ERC2: variants seen among roughly 807,000 people sequenced by gnomAD.
ERC2 encodes the protein ELKS/RAB6-interacting/CAST family member 2.
In ERC2, 42 loss-of-function variants were observed where a neutral mutation model predicts 114.8. That is an observed-to-expected ratio of 0.37 (90% CI 0.29 to 0.47). The LOEUF is 0.47. Ranked by LOEUF, ERC2 falls within the 20% of genes least tolerant of loss-of-function variation. The pLI, the probability that ERC2 is intolerant of heterozygous loss-of-function variation, is 0.99. For missense variants in ERC2, 939 were observed against 1,150.7 expected, an observed-to-expected ratio of 0.82 and a Z score of 2.66; for synonymous variants, 454 against 425.5, an observed-to-expected ratio of 1.07 and a Z score of -0.82.
chr3:55,755,560 G>GT (rs576753586), intron 14 of ERC2, among the ~76,000 whole-genome samples: 36 of 152,268 alleles, frequency 2.4e-4, no homozygotes, highest in African/African-American at 8.4e-4. Context: ...TAAAGATGCT[G>GT]TTTTACATTT....
intron 15 of ERC2, among the ~76,000 whole-genome samples, chr3:55,707,510 T>C (rs2063552539): frequency 6.6e-6 from 1 of 152,212 alleles, no homozygotes. Context: ...GGACAGTGAC[T>C]GTAGCCAGAA....
chr3:55,733,540 T>TCACACA lies in ERC2; in HGVS notation c.2712+1230_2712+1231insTGTGTG, dbSNP rs753638072. ...CTCTGTCTCTCATTCTTTCTCTCTC[T>TCACACA]CTCACACACACACACACACACACAC... On this transcript the variant is annotated intron_variant, in intron 15 of 17. Coordinates refer to ENST00000288221, the MANE Select transcript of ERC2 (RefSeq NM_015576.3). Among the ~76,000 whole-genome samples, 27 of 95,868 alleles carry TCACACA rather than the reference T, an allele frequency of 2.8e-4. 1 individual carries two copies. Among genetic ancestry groups the TCACACA allele is most frequent in the Admixed American group, 8.9e-4 (7 of 7,860 alleles). 62.9% of individuals were successfully genotyped at this position (95,868 alleles called of 152,430 possible).
intron 14 of ERC2, among the ~76,000 whole-genome samples, chr3:55,817,499 A>C (rs755270080): frequency 3.9e-5 from 6 of 152,196 alleles, no homozygotes; most frequent in Non-Finnish European, 7.3e-5. Context: ...TCATTCTAGA[A>C]AGCATTTCAG....
Position 55,547,372 on chromosome 3 carries a change from G to A in ERC2, c.*40-36096C>T, listed in dbSNP as rs187737991. On this transcript the variant is annotated intron_variant, in intron 17 of 17. Coordinates refer to ENST00000288221, the MANE Select transcript of ERC2 (RefSeq NM_015576.3). ...GCCCAGCAAATGTTCCTGGAGCCTT[G>A]TTTTTTGTTCTGTTGCTGGGCCATT... is the stretch of plus-strand genomic sequence containing the variant. Among the ~76,000 whole-genome samples, 31 of 152,346 alleles carry A rather than the reference G, an allele frequency of 2.0e-4. No individual in the cohort carries two copies. In the East Asian group the frequency reaches 4.8e-3, roughly 24 times the overall value.
At chr3:55,860,417 T>C (rs1412954456) in intron 14 of ERC2, among the ~76,000 whole-genome samples, 1 of 152,162 alleles carries the variant, frequency 6.6e-6, no homozygotes, top group Non-Finnish European at 1.5e-5. Flanking sequence ...TTTTCTGTCC[T>C]CCCTTTTAGT....
intron 4 of ERC2, among the ~76,000 whole-genome samples, chr3:56,166,800 C>G (rs1181885211): frequency 6.6e-6 from 1 of 151,982 alleles, no homozygotes; most frequent in African/African-American, 2.4e-5. Context: ...CTGATTCTAA[C>G]CAGGATTTGT....
chr3:56,131,648 A>C (rs1273388787), intron 6 of ERC2, among the ~76,000 whole-genome samples: 1 of 152,190 alleles, frequency 6.6e-6, no homozygotes, highest in Non-Finnish European at 1.5e-5. Context: ...AAAACCTGAA[A>C]TTATTGTTTA....
At chr3:56,361,913 T>C (rs1034491248) in intron 2 of ERC2, among the ~76,000 whole-genome samples, 9 of 152,296 alleles carry the variant, frequency 5.9e-5, no homozygotes, top group Middle Eastern at 6.8e-3. Context: ...TCACTATTGC[T>C]CCCATGATGC....
chr3:56,335,301 C>T (rs981085630), intron 2 of ERC2, among the ~76,000 whole-genome samples: 6 of 152,242 alleles, frequency 3.9e-5, no homozygotes, highest in Admixed American at 1.3e-4. Context: ...CACTTCCTCT[C>T]AGGGTCCTAC....
intron 17 of ERC2, among the ~76,000 whole-genome samples, chr3:55,670,503 G>A (rs183799706): frequency 6.6e-6 from 1 of 152,206 alleles, no homozygotes; most frequent in African/African-American, 2.4e-5. Context: ...GGTCACCATG[G>A]GGAATGCAAT....
intron 2 of ERC2, among the ~76,000 whole-genome samples, chr3:56,319,791 C>T (rs1372031698): frequency 6.6e-6 from 1 of 151,950 alleles, no homozygotes; most frequent in Non-Finnish European, 1.5e-5. Flanking sequence ...GGCCACATAG[C>T]GAGACCCCAT....
chr3:56,027,478 T>C (rs1039125490), intron 7 of ERC2, among the ~76,000 whole-genome samples: 2 of 152,156 alleles, frequency 1.3e-5, no homozygotes, highest in African/African-American at 4.8e-5. Flanking sequence ...CCCACAAACT[T>C]TTGGTGTTAT....
chr3:56,464,825 T>C lies in ERC2; in HGVS notation c.-141+3423A>G, dbSNP rs566616070. On this transcript the variant is annotated intron_variant, in intron 1 of 17. Coordinates refer to ENST00000288221, the MANE Select transcript of ERC2 (RefSeq NM_015576.3). Reference sequence around the variant, plus strand: ...GAAACTGAAACTGTTGGCTGGCAAGTAGATGCCCCACGGACCAGCCAAAAT... The same window carrying C: ...GAAACTGAAACTGTTGGCTGGCAAGCAGATGCCCCACGGACCAGCCAAAAT... Among the ~76,000 whole-genome samples, 76 of 151,224 alleles carry C rather than the reference T, an allele frequency of 5.0e-4. 2 individuals carry two copies. The South Asian group carries it at 0.015, about 30-fold the overall frequency.
intron 6 of ERC2, 60 bp from the exon 7 acceptor site, chr3:56,081,044 A>C (rs1381685500): frequency 5.1e-6 from 8 of 1,571,852 alleles, no homozygotes; most frequent in Non-Finnish European, 6.9e-6. Flanking sequence ...AATAACCATC[A>C]ATTGTGCCCT....
intron 3 of ERC2, among the ~76,000 whole-genome samples, chr3:56,270,443 G>C (rs967867876): frequency 6.6e-6 from 1 of 152,154 alleles, no homozygotes; most frequent in African/African-American, 2.4e-5. Context: ...ATGGAGGAAG[G>C]ATAGCCCATA....
chr3:55,645,812 C>T (rs2060371003), intron 17 of ERC2, among the ~76,000 whole-genome samples: 2 of 152,104 alleles, frequency 1.3e-5, no homozygotes, highest in Non-Finnish European at 2.9e-5. Context: ...TAACCATCAA[C>T]GTTGGATAAT....
chr3:55,697,337 A>C lies in ERC2; in HGVS notation c.2847+2041T>G, dbSNP rs79184179. Among the ~76,000 whole-genome samples, 128 of 152,308 alleles carry C rather than the reference A, an allele frequency of 8.4e-4. 2 individuals carry two copies. The highest frequency in any genetic ancestry group is 6.7e-3 in the Admixed American group (102 of 15,302). ...AGTGTTCACTGAGATGGTGGATGTG[A>C]AAGTGAAAGACCATCACCATCTTCC... On this transcript the variant is annotated intron_variant, in intron 16 of 17. Transcript: ENST00000288221.
intron 17 of ERC2, among the ~76,000 whole-genome samples, chr3:55,517,713 C>T (rs974568001): frequency 1.6e-4 from 25 of 152,302 alleles, no homozygotes; most frequent in East Asian, 9.7e-4. Flanking sequence ...AGGCACGAGT[C>T]GGCTGGTCTT....
chr3:56,311,578 C>T (rs1371398286), intron 2 of ERC2, among the ~76,000 whole-genome samples: 1 of 151,792 alleles, frequency 6.6e-6, no homozygotes, highest in Non-Finnish European at 1.5e-5. Context: ...GGATTACAGG[C>T]TTGAGCCACA....
Sources: allele counts gnomAD v4.1 joint callset (sites outside exome capture counted in the v4.1 genomes callset), GRCh38; gene constraint gnomAD v4.1.1; transcripts MANE v1.5; gene names NCBI Gene and HGNC (gene_info 2026-07-23, HGNC 2026-07-21).